The following ABTB3 variants were observed in gnomAD, a reference collection of about 807,000 sequenced individuals.
ABTB3 encodes ankyrin repeat- and BTB/POZ domain-containing protein 3.
the ABTB3 span, among the ~76,000 whole-genome samples, chr12:107,343,188 G>A: frequency 6.6e-6 from 1 of 151,592 alleles, no homozygotes. Context: ...CTGTTTTTTT[G>A]GTTTTTTATA....
chr12:107,346,133 C>T, the ABTB3 span, among the ~76,000 whole-genome samples: 1 of 152,186 alleles, frequency 6.6e-6, no homozygotes, highest in African/African-American at 2.4e-5. Flanking sequence ...AGCTGCCCTG[C>T]ACACTGGAAG....
At chr12:107,602,391 G>C in the ABTB3 span, among the ~76,000 whole-genome samples, 1 of 152,226 alleles carries the variant, frequency 6.6e-6, no homozygotes, top group African/African-American at 2.4e-5. Flanking sequence ...TCCAAATACA[G>C]TATATTCTTT....
At chr12:107,527,155 C>T in the ABTB3 span, among the ~76,000 whole-genome samples, 1 of 152,126 alleles carries the variant, frequency 6.6e-6, no homozygotes, top group Admixed American at 6.5e-5. Flanking sequence ...CCTATTCCCT[C>T]TTCTGCCTTA....
At chr12:107,318,914 G>A in the ABTB3 span, 5 of 1,559,154 alleles carry the variant, frequency 3.2e-6, no homozygotes, top group Admixed American at 3.6e-5. Flanking sequence ...TGGCTCCCAG[G>A]CGGCTGCAGC....
the ABTB3 span, among the ~76,000 whole-genome samples, chr12:107,335,494 G>A: frequency 6.6e-6 from 1 of 152,052 alleles, no homozygotes; most frequent in African/African-American, 2.4e-5. Context: ...GGGTTCTCAT[G>A]GATTAAGGCA....
chr12:107,454,131 C>T, the ABTB3 span, among the ~76,000 whole-genome samples: 1 of 152,244 alleles, frequency 6.6e-6, no homozygotes, highest in East Asian at 1.9e-4. Context: ...TCAATAAGTG[C>T]TTGTTGAATG....
chr12:107,439,821 A>C, the ABTB3 span, among the ~76,000 whole-genome samples: 1 of 151,134 alleles, frequency 6.6e-6, no homozygotes, highest in African/African-American at 2.4e-5. Context: ...GTTTCCTCCC[A>C]CTTCCTTCAT....
chr12:107,630,638 C>T, the ABTB3 span, among the ~76,000 whole-genome samples: 161 of 151,754 alleles, frequency 1.1e-3, 1 homozygote, highest in African/African-American at 3.7e-3. Context: ...GACAGGGTCT[C>T]ATGATGTTGC....
the ABTB3 span, among the ~76,000 whole-genome samples, chr12:107,516,060 CACACACACCA>C: frequency 1.5e-4 from 22 of 147,172 alleles, 2 homozygotes; most frequent in African/African-American, 5.8e-4. Flanking sequence ...TGTGTGCGCA[CACACACACCA>C]GGCTGTGATA....
At chr12:107,653,348 C>G in the ABTB3 span, among the ~76,000 whole-genome samples, 2 of 152,036 alleles carry the variant, frequency 1.3e-5, no homozygotes, top group Non-Finnish European at 2.9e-5. Flanking sequence ...AACCCCGTCT[C>G]TACTAAAAAT....
At chr12:107,510,998 G>T in the ABTB3 span, among the ~76,000 whole-genome samples, 24 of 152,164 alleles carry the variant, frequency 1.6e-4, no homozygotes, top group Non-Finnish European at 3.5e-4. Context: ...AAGAGAGCAG[G>T]CTGTGCATCT....
chr12:107,399,799 C>T, the ABTB3 span, among the ~76,000 whole-genome samples: 1 of 152,162 alleles, frequency 6.6e-6, no homozygotes, highest in African/African-American at 2.4e-5. Context: ...TTAAGCCCCA[C>T]ATGCATTAGG....
At chr12:107,417,176 A>G in the ABTB3 span, among the ~76,000 whole-genome samples, 1 of 152,166 alleles carries the variant, frequency 6.6e-6, no homozygotes, top group African/African-American at 2.4e-5. Flanking sequence ...GCGTAGGTAC[A>G]CTCATTGATT....
At chr12:107,416,922 C>T in the ABTB3 span, among the ~76,000 whole-genome samples, 2 of 152,196 alleles carry the variant, frequency 1.3e-5, no homozygotes, top group Non-Finnish European at 2.9e-5. Context: ...CCTGAGCCAC[C>T]GTGCCCAGCC....
chr12:107,324,445 A>G, the ABTB3 span, among the ~76,000 whole-genome samples: 1 of 152,220 alleles, frequency 6.6e-6, no homozygotes, highest in South Asian at 2.1e-4. Context: ...CTGAAGCAAC[A>G]TAGTAAGATC....
the ABTB3 span, among the ~76,000 whole-genome samples, chr12:107,337,997 T>C: frequency 2.6e-5 from 4 of 152,200 alleles, no homozygotes; most frequent in Admixed American, 2.6e-4. Flanking sequence ...ACTGGTGTAA[T>C]GGGAAAAGGA....
chr12:107,599,128 A>C, the ABTB3 span, among the ~76,000 whole-genome samples: 1 of 152,156 alleles, frequency 6.6e-6, no homozygotes, highest in Non-Finnish European at 1.5e-5. Context: ...TGGGGTGTTG[A>C]CTGCCTGGAG....
chr12:107,613,770 C>T, the ABTB3 span, among the ~76,000 whole-genome samples: 12 of 152,130 alleles, frequency 7.9e-5, no homozygotes, highest in Admixed American at 2.6e-4. Context: ...TATCAGACAG[C>T]AAAGAGATTG....
chr12:107,508,514 GCATGATCTCGGCT>G, the ABTB3 span, among the ~76,000 whole-genome samples: 1 of 136,944 alleles, frequency 7.3e-6, no homozygotes, highest in South Asian at 2.3e-4. Context: ...TGGTGCAGTG[GCATGATCTCGGCT>G]CATTGCAACC....
Sources: allele counts gnomAD v4.1 joint callset (sites outside exome capture counted in the v4.1 genomes callset), GRCh38; gene constraint gnomAD v4.1.1; transcripts MANE v1.5; gene names NCBI Gene and HGNC (gene_info 2026-07-23, HGNC 2026-07-21).